SETD7: variants seen among roughly 807,000 people sequenced by gnomAD.
SETD7 encodes the protein histone-lysine N-methyltransferase SETD7.
SETD7 carries 16 observed loss-of-function variants against 41.8 expected under a neutral mutation model. The ratio of observed to expected loss-of-function variants is 0.38; its 90% CI spans 0.26 to 0.58. The LOEUF is 0.58. Ranked by LOEUF, SETD7 falls within the 20% of genes least tolerant of loss-of-function variation. SETD7 has a pLI of 0.64. For missense variants in SETD7, 346 were observed against 459.7 expected, an observed-to-expected ratio of 0.75 and a Z score of 2.26; for synonymous variants, 163 against 169.7, an observed-to-expected ratio of 0.96 and a Z score of 0.31.
At chr4:139,520,069 T>C (rs1727136448) in intron 6 of SETD7, among the ~76,000 whole-genome samples, 1 of 152,156 alleles carries the variant, frequency 6.6e-6, no homozygotes, top group Admixed American at 6.5e-5. Context: ...ATTGATGGCA[T>C]TACCCCACTC....
chr4:139,514,486 CA>C (rs1387336208), intron 7 of SETD7, among the ~76,000 whole-genome samples: 1 of 151,256 alleles, frequency 6.6e-6, no homozygotes, highest in Non-Finnish European at 1.5e-5. Flanking sequence ...AGATAAGGGA[CA>C]GACTGAAAAG....
intron 2 of SETD7, among the ~76,000 whole-genome samples, chr4:139,537,681 C>T (rs992798206): frequency 6.6e-6 from 1 of 152,166 alleles, no homozygotes; most frequent in Admixed American, 6.5e-5. Flanking sequence ...ATATAAACTT[C>T]ATGTTGATAA....
At chr4:139,552,246 G>A (rs1728131045) in intron 1 of SETD7, among the ~76,000 whole-genome samples, 1 of 152,186 alleles carries the variant, frequency 6.6e-6, no homozygotes, top group Non-Finnish European at 1.5e-5. Flanking sequence ...TGATATTAGG[G>A]GGAGTGTTAA....
At chr4:139,504,305 TAAAC>T (rs1312124381), downstream of SETD7, among the ~76,000 whole-genome samples, 1 of 152,182 alleles carries the variant, frequency 6.6e-6, no homozygotes, top group Non-Finnish European at 1.5e-5. Context: ...TTTTTGTAAA[TAAAC>T]AAAACTTAAG....
downstream of SETD7, among the ~76,000 whole-genome samples, chr4:139,495,146 T>A (rs536993272): frequency 1.3e-5 from 2 of 152,366 alleles, no homozygotes; most frequent in Admixed American, 6.5e-5. Context: ...TCATTTCTAC[T>A]GTGAAAATTA....
Position 139,533,148 on chromosome 4 carries a change from A to G in SETD7, c.372+17T>C. 6.2e-7 allele frequency: 1 copy of G among 1,600,182 alleles called. No individual in the cohort carries two copies. Among genetic ancestry groups the G allele is most frequent in the Non-Finnish European group, 8.6e-7 (1 of 1,167,330 alleles). ...AGTATGTTACTTTCCAGCAGAGTGA[A>G]CAGTCACACGGCTTACTGGGTAATA... is the stretch of plus-strand genomic sequence containing the variant. On this transcript the variant is annotated intron_variant, in intron 3 of 7. Coordinates refer to ENST00000274031, the MANE Select transcript of SETD7 (RefSeq NM_030648.4).
At chr4:139,554,410 C>A (rs755419685) in intron 1 of SETD7, among the ~76,000 whole-genome samples, 9 of 152,184 alleles carry the variant, frequency 5.9e-5, no homozygotes, top group Non-Finnish European at 7.3e-5. Context: ...AGAACAGTAC[C>A]AGCAATTAAG....
Position 139,506,643 on chromosome 4 carries a change from C to G in SETD7, c.*5020G>C, listed in dbSNP as rs1001006583. ...CATGTGTGTTCGTATTGCTACTATA[C>G]ACAGTGAAAATTTATCCTAATATGT... On this transcript the variant is annotated 3_prime_UTR_variant, in exon 8 of 8. Coordinates refer to ENST00000274031, the MANE Select transcript of SETD7 (RefSeq NM_030648.4). The G allele has an allele frequency of 6.6e-6, 1 of 152,536 alleles. No homozygotes were observed. The highest frequency in any genetic ancestry group is 1.5e-5 in the Non-Finnish European group (1 of 68,024). The allele number at this position is 152,536 out of a possible 1,614,324, so 9.4% of individuals were successfully genotyped here. A position where few individuals can be genotyped will look rare whatever the true frequency, so the allele number is the denominator to read the frequency against.
chr4:139,499,488 C>T (rs36047020), intron 7 of SETD7, among the ~76,000 whole-genome samples: 10,341 of 152,230 alleles, frequency 0.068, 1,121 homozygotes, highest in African/African-American at 0.22. Flanking sequence ...CCTGAAGAAT[C>T]GGTCTTTGAG....
At chr4:139,521,428 A>T (rs1727178970) in intron 5 of SETD7, among the ~76,000 whole-genome samples, 1 of 114 alleles carries the variant, frequency 8.8e-3, no homozygotes, top group Non-Finnish European at 0.014. Context: ...CTCTGTCTTA[A>T]AAAAAAAAAA....
At chr4:139,537,226 C>T (rs1179125056) in intron 2 of SETD7, among the ~76,000 whole-genome samples, 3 of 152,158 alleles carry the variant, frequency 2.0e-5, no homozygotes, top group Admixed American at 6.5e-5. Context: ...CTGCCCACCT[C>T]GGCCTCCCAA....
At chr4:139,546,889 C>T in intron 2 of SETD7, 31 bp downstream of exon 2, 1 of 1,613,898 alleles carries the variant, frequency 6.2e-7, no homozygotes, top group African/African-American at 1.3e-5. Flanking sequence ...TTCGGTACCC[C>T]CAAAGAACAA....
exon 8 of SETD7, chr4:139,496,483 C>T (rs1410242549): frequency 1.4e-6 from 1 of 702,398 alleles, no homozygotes; most frequent in Admixed American, 2.0e-5. Context: ...AGCCCCAAAT[C>T]TGCTTCTTTT....
At chr4:139,537,406 C>G (rs1727668774) in intron 2 of SETD7, among the ~76,000 whole-genome samples, 1 of 152,206 alleles carries the variant, frequency 6.6e-6, no homozygotes, top group African/African-American at 2.4e-5. Context: ...GGATTGAGAG[C>G]TGGGTTTCAG....
chr4:139,500,927 C>T (rs184053774), intron 7 of SETD7, among the ~76,000 whole-genome samples: 102 of 152,304 alleles, frequency 6.7e-4, no homozygotes, highest in Non-Finnish European at 1.2e-3. Context: ...TCCTGCGCTT[C>T]CCTGAGCATT....
At chr4:139,505,560 G>A (rs1726680347), downstream of SETD7, among the ~76,000 whole-genome samples, 1 of 152,066 alleles carries the variant, frequency 6.6e-6, no homozygotes. Flanking sequence ...CTGCACTCCA[G>A]CCTGGGTGAC....
Position 139,511,777 on chromosome 4 carries a change from T to C in SETD7, c.987A>G (p.Glu329=). 1 of 1,614,160 alleles carries C rather than the reference T, an allele frequency of 6.2e-7. No individual in the cohort carries two copies. The highest frequency in any genetic ancestry group is 8.5e-7 in the Non-Finnish European group (1 of 1,180,010). The part of the protein sequence containing the change: ...IRTLRAVEAD[E]ELTVAYGYDH... ...CATAGCCATAGGCAACGGTGAGCTC[T>C]TCATCGGCCTCCACTGCTCTCAGGG... Residue 329 remains glutamate (E), a synonymous_variant, in exon 8 of 8, where the codon GAA becomes GAG. Coordinates refer to ENST00000274031, the MANE Select transcript of SETD7 (RefSeq NM_030648.4).
Position 139,496,100 on chromosome 4 carries a change from G to T in SETD7, c.*253C>A, listed in dbSNP as rs1025090354. 8.8e-5 allele frequency: 29 copies of T among 331,014 alleles called. No homozygotes were observed. The East Asian group carries it at 1.8e-3, about 20-fold the overall frequency. 20.5% of individuals were successfully genotyped at this position (331,014 alleles called of 1,614,324 possible). A position where few individuals can be genotyped will look rare whatever the true frequency, so the allele number is the denominator to read the frequency against. The stretch of plus-strand genomic sequence containing the variant: ...TTCACTTCCCTTATCTCCCATATTA[G>T]CCTGAAGAAAATTCCAAATATCCTG... On this transcript the variant is annotated 3_prime_UTR_variant, in exon 8 of 8. Coordinates refer to the SETD7 transcript ENST00000506866.
downstream of SETD7, among the ~76,000 whole-genome samples, chr4:139,504,043 T>C (rs886647948): frequency 6.6e-6 from 1 of 151,886 alleles, no homozygotes; most frequent in African/African-American, 2.4e-5. Context: ...AAAGGCAGAG[T>C]GGAAAGATGG....
Sources: allele counts gnomAD v4.1 joint callset (sites outside exome capture counted in the v4.1 genomes callset), GRCh38; gene constraint gnomAD v4.1.1; transcripts MANE v1.5; gene names NCBI Gene and HGNC (gene_info 2026-07-23, HGNC 2026-07-21).